The following ERI1 variants were observed in gnomAD, a reference collection of about 807,000 sequenced individuals.
ERI1 encodes exoribonuclease 1, also known as 3'-5' exoribonuclease 1.
Under a neutral mutation model 39.7 loss-of-function variants are expected in ERI1, and 39 were observed. The ratio of observed to expected loss-of-function variants is 0.98; its 90% CI spans 0.76 to 1.28. The LOEUF is 1.28. Ranked by LOEUF, ERI1 falls within the 50% of genes most tolerant of loss-of-function variation. ERI1 has a pLI of 0.00. For missense variants in ERI1, 581 were observed against 416.9 expected, an observed-to-expected ratio of 1.39 and a Z score of -3.43; for synonymous variants, 204 against 149.6, an observed-to-expected ratio of 1.36 and a Z score of -2.65.
At chr8:9,035,507 T>C (rs1797815252), downstream of ERI1, among the ~76,000 whole-genome samples, 1 of 152,182 alleles carries the variant, frequency 6.6e-6, no homozygotes, top group African/African-American at 2.4e-5. Flanking sequence ...CACATCTGTT[T>C]ACTACATCAT....
chr8:9,087,600 C>T (rs1585298674), intron 3 of ERI1, among the ~76,000 whole-genome samples: 1 of 152,002 alleles, frequency 6.6e-6, no homozygotes, highest in South Asian at 2.1e-4. Flanking sequence ...ATACAGTGAT[C>T]ATGTATTCCT....
chr8:9,013,670 A>T (rs972378566), intron 3 of ERI1, among the ~76,000 whole-genome samples: 1 of 152,018 alleles, frequency 6.6e-6, no homozygotes, highest in African/African-American at 2.4e-5. Context: ...CTTATTTGAA[A>T]TCTCTGCTTA....
chr8:9,030,558 G>T lies in ERI1; in HGVS notation c.*524G>T, dbSNP rs1411714687. 1 of 155,780 alleles carries T rather than the reference G, an allele frequency of 6.4e-6. No homozygotes were observed. The highest frequency in any genetic ancestry group is 1.4e-5 in the Non-Finnish European group (1 of 69,874). The allele number at this position is 155,780 out of a possible 1,614,324, so 9.6% of individuals were successfully genotyped here. A position where few individuals can be genotyped will look rare whatever the true frequency, so the allele number is the denominator to read the frequency against. On this transcript the variant is annotated 3_prime_UTR_variant, in exon 7 of 7. Coordinates refer to ENST00000250263, the MANE Select transcript of ERI1 (RefSeq NM_153332.4). ...TGTGGTGAATTTCGTAAGGTACTTG[G>T]TATACATATCTGCCTATGTTTCTTT...
intron 3 of ERI1, among the ~76,000 whole-genome samples, chr8:9,092,570 G>A (rs1799741990): frequency 1.3e-5 from 2 of 152,202 alleles, no homozygotes; most frequent in African/African-American, 2.4e-5. Flanking sequence ...ATGAGCAATT[G>A]TTTTCCTTCG....
intron 6 of ERI1, among the ~76,000 whole-genome samples, chr8:9,028,800 T>G (rs1797375221): frequency 6.6e-6 from 1 of 151,716 alleles, no homozygotes; most frequent in Non-Finnish European, 1.5e-5. Flanking sequence ...ATTTTTATAT[T>G]TTTAGTAGAG....
chr8:9,011,136 T>A (rs568102165), intron 2 of ERI1, among the ~76,000 whole-genome samples: 21 of 152,304 alleles, frequency 1.4e-4, no homozygotes, highest in Non-Finnish European at 2.1e-4. Flanking sequence ...AATTTTTATA[T>A]TCTTAAGTTT....
chr8:9,008,145 CTAGGTAATTAAAAA>C lies in ERI1; in HGVS notation c.287_287+13del. 1 of 1,571,286 alleles carries C rather than the reference CTAGGTAATTAAAAA, an allele frequency of 6.4e-7. No individual in the cohort carries two copies. Among genetic ancestry groups the C allele is most frequent in the Non-Finnish European group, 8.6e-7 (1 of 1,162,428 alleles). On this transcript the variant is annotated splice_donor_variant and splice_donor_5th_base_variant and coding_sequence_variant and intron_variant, in exon 2 of 7. Coordinates refer to ENST00000250263, the MANE Select transcript of ERI1 (RefSeq NM_153332.4). LOFTEE classifies it high-confidence loss of function. ...AAGCTTTCAGAATTCAAGCTTGAAA[CTAGGTAATTAAAAA>C]TAACTTATAAAATTATAAAAGTAGT... is the stretch of plus-strand genomic sequence containing the variant.
chr8:9,099,709 T>G (rs1464491037), intron 3 of ERI1: 1 of 152,190 alleles, frequency 6.6e-6, no homozygotes, highest in East Asian at 1.9e-4. Context: ...CTGTAGAGCA[T>G]TCCATTGTAT....
At chr8:9,081,651 TC>T in intron 3 of ERI1, among the ~76,000 whole-genome samples, 1 of 151,746 alleles carries the variant, frequency 6.6e-6, no homozygotes, top group South Asian at 2.1e-4. Context: ...TTAAAACAAC[TC>T]CCATTTCTTC....
At chr8:9,053,843 G>A (rs1798430022) in intron 3 of ERI1, among the ~76,000 whole-genome samples, 1 of 152,232 alleles carries the variant, frequency 6.6e-6, no homozygotes, top group African/African-American at 2.4e-5. Context: ...CTTCTGAAAA[G>A]CAGCCAAGTC....
At chr8:9,087,870 G>T (rs1332121225) in intron 3 of ERI1, among the ~76,000 whole-genome samples, 3 of 152,182 alleles carry the variant, frequency 2.0e-5, no homozygotes, top group Admixed American at 1.3e-4. Flanking sequence ...TCCTGGGTGG[G>T]ATGGTCAATC....
In ERI1 at chr8:9,030,310, ATTC is replaced by A; in HGVS notation, c.*279_*281del. On this transcript the variant is annotated 3_prime_UTR_variant, in exon 7 of 7. Transcript: ENST00000250263. ...TTATAATTTAAGGTGTTCAAGATAT[ATTC>A]TTTTTGGTTTTAAAATGCAAAATCT... 2.7e-6 allele frequency: 1 copy of A among 367,920 alleles called. No homozygotes were observed. Among genetic ancestry groups the A allele is most frequent in the Non-Finnish European group, 5.0e-6 (1 of 201,078 alleles). The allele number at this position is 367,920 out of a possible 1,614,324, so 22.8% of individuals were successfully genotyped here.
intron 3 of ERI1, among the ~76,000 whole-genome samples, chr8:9,078,815 T>A (rs1799285933): frequency 6.6e-6 from 1 of 152,220 alleles, no homozygotes; most frequent in Non-Finnish European, 1.5e-5. Flanking sequence ...GAAGATTATC[T>A]TTTTTCTCTT....
At chr8:9,099,906 G>C (rs893122851) in intron 3 of ERI1, 7 of 151,658 alleles carry the variant, frequency 4.6e-5, no homozygotes, top group African/African-American at 1.5e-4. Flanking sequence ...TACCAGTTCT[G>C]TTGAACCTCA....
intron 3 of ERI1, among the ~76,000 whole-genome samples, chr8:9,079,056 G>A (rs1799292869): frequency 6.6e-6 from 1 of 152,154 alleles, no homozygotes; most frequent in Non-Finnish European, 1.5e-5. Context: ...AGTGGAGAAG[G>A]CAAGAAGACA....
intron 3 of ERI1, among the ~76,000 whole-genome samples, chr8:9,045,676 A>ATTTTTT (rs34131409): frequency 7.2e-6 from 1 of 138,346 alleles, no homozygotes. Flanking sequence ...AATCTATAGA[A>ATTTTTT]TTTTTTTTTT....
chr8:9,050,879 A>G (rs1350163527), intron 3 of ERI1, among the ~76,000 whole-genome samples: 1 of 152,128 alleles, frequency 6.6e-6, no homozygotes, highest in Non-Finnish European at 1.5e-5. Flanking sequence ...AATAAGGTGC[A>G]AAAGTGACTC....
intron 6 of ERI1, among the ~76,000 whole-genome samples, chr8:9,027,330 T>G (rs762063370): frequency 1.3e-5 from 2 of 152,158 alleles, no homozygotes; most frequent in African/African-American, 2.4e-5. Context: ...TCTTTCCTCA[T>G]TTACTAAATG....
In ERI1 at chr8:9,090,311, G is replaced by T. The variant is rs181803993; in HGVS notation, n.300-26037G>T. ...CATTTTGCTGGTGGGAGGACACCTT[G>T]GTGCCAACTTGTTCTGTTTCTCCAG... On this transcript the variant is annotated intron_variant and non_coding_transcript_variant, in intron 3 of 3. Transcript: ENST00000518663. Among the ~76,000 whole-genome samples, 8 of 152,272 alleles carry T rather than the reference G, an allele frequency of 5.3e-5. No homozygotes were observed. In the East Asian group the frequency reaches 1.2e-3, roughly 22 times the overall value.
Sources: allele counts gnomAD v4.1 joint callset (sites outside exome capture counted in the v4.1 genomes callset), GRCh38; gene constraint gnomAD v4.1.1; transcripts MANE v1.5; gene names NCBI Gene and HGNC (gene_info 2026-07-23, HGNC 2026-07-21).